Variants in ASXL2 observed in about 807,000 individuals in gnomAD.
The protein encoded by ASXL2 is putative Polycomb group protein ASXL2.
Under a neutral mutation model 122.0 loss-of-function variants are expected in ASXL2, and 23 were observed. That is an observed-to-expected ratio of 0.19 (90% confidence interval 0.14 to 0.27). The LOEUF (loss-of-function observed/expected upper bound fraction) is 0.27. Ranked by LOEUF, ASXL2 falls within the 10% of genes least tolerant of loss-of-function variation. The pLI, the probability that ASXL2 is intolerant of heterozygous loss-of-function variation, is 1.00. For missense variants in ASXL2, 1,518 were observed against 1,713.8 expected, an observed-to-expected ratio of 0.89 and a Z score of 2.02; for synonymous variants, 650 against 637.0, an observed-to-expected ratio of 1.02 and a Z score of -0.31.
intron 1 of ASXL2, among the ~76,000 whole-genome samples, chr2:25,862,267 A>T (rs1477145960): frequency 6.6e-6 from 1 of 152,218 alleles, no homozygotes; most frequent in Non-Finnish European, 1.5e-5. Flanking sequence ...AAAATACCTA[A>T]AACTGATACA....
chr2:25,842,709 T>C (rs1162697972), intron 2 of ASXL2, among the ~76,000 whole-genome samples: 2 of 150,906 alleles, frequency 1.3e-5, no homozygotes, highest in African/African-American at 4.9e-5. Flanking sequence ...TATATATAGA[T>C]AGATAGATAG....
intron 3 of ASXL2, among the ~76,000 whole-genome samples, chr2:25,820,236 G>A (rs777457451): frequency 1.3e-5 from 2 of 152,146 alleles, no homozygotes; most frequent in Non-Finnish European, 2.9e-5. Flanking sequence ...ATTTAAAAGT[G>A]AATGGGGCAT....
chr2:25,877,343 G>T (rs1035743495), intron 1 of ASXL2, among the ~76,000 whole-genome samples: 5 of 152,050 alleles, frequency 3.3e-5, no homozygotes, highest in African/African-American at 9.7e-5. Context: ...TTAAAATATG[G>T]TAAAAGTTCT....
chr2:25,772,783 C>T (rs909531187), intron 5 of ASXL2, among the ~76,000 whole-genome samples: 10 of 147,456 alleles, frequency 6.8e-5, no homozygotes, highest in African/African-American at 1.0e-4. Flanking sequence ...AGCTAGCTAC[C>T]GGACATAAAA....
At chr2:25,822,672 A>G in intron 3 of ASXL2, 1 of 679,368 alleles carries the variant, frequency 1.5e-6, no homozygotes. Context: ...CATAAAAAAA[A>G]CGGACAGATC....
chr2:25,837,846 G>C (rs958152048), intron 2 of ASXL2, among the ~76,000 whole-genome samples: 1 of 151,530 alleles, frequency 6.6e-6, no homozygotes, highest in Non-Finnish European at 1.5e-5. Flanking sequence ...GCCAGGTGCA[G>C]TGGCTCATGC....
Position 25,739,889 on chromosome 2 carries a change from T to G in ASXL2, c.*2140A>C. 1 of 218,054 alleles carries G rather than the reference T, an allele frequency of 4.6e-6. No homozygotes were observed. The highest frequency in any genetic ancestry group is 9.2e-6 in the Non-Finnish European group (1 of 108,490). The allele number at this position is 218,054 out of a possible 1,614,324, so 13.5% of individuals were successfully genotyped here. ...CCTCTTCCAGCATGCAGACCAGCCC[T>G]CGGCCCTGGCACTAAGGTGGAGTTA... On this transcript the variant is annotated 3_prime_UTR_variant, in exon 13 of 13. Transcript: ENST00000435504.
Position 25,863,404 on chromosome 2 carries a change from A to G in ASXL2, c.57+14762T>C, listed in dbSNP as rs149513658. ...ATGAGTTCTCTGGAACTTAAAATAA[A>G]AACAGGGGCCAGGCACAGTGGCTCA... On this transcript the variant is annotated intron_variant, in intron 1 of 12. Transcript: ENST00000435504. Among the ~76,000 whole-genome samples, 1,209 of 151,826 alleles carry G rather than the reference A, an allele frequency of 8.0e-3. 8 individuals are homozygous for G. The highest frequency in any genetic ancestry group is 0.014 in the Non-Finnish European group (959 of 67,944).
intron 4 of ASXL2, among the ~76,000 whole-genome samples, chr2:25,800,057 G>C (rs1169025968): frequency 6.6e-6 from 1 of 151,884 alleles, no homozygotes; most frequent in Non-Finnish European, 1.5e-5. Context: ...CAGCTACTTG[G>C]GAGGCCAAGG....
chr2:25,799,281 G>C, intron 5 of ASXL2, 104 bp downstream of exon 5: 1 of 1,496,664 alleles, frequency 6.7e-7, no homozygotes, highest in South Asian at 1.2e-5. Context: ...TAGAGGGTAA[G>C]GGAAAGTGAC....
intron 4 of ASXL2, among the ~76,000 whole-genome samples, chr2:25,804,567 A>G (rs759713831): frequency 1.3e-4 from 20 of 152,216 alleles, no homozygotes; most frequent in Non-Finnish European, 2.4e-4. Context: ...CGAAGTCAAA[A>G]GGAAGTGGAG....
At chr2:25,844,914 A>G (rs763654108) in intron 2 of ASXL2, among the ~76,000 whole-genome samples, 9 of 152,132 alleles carry the variant, frequency 5.9e-5, no homozygotes, top group African/African-American at 2.2e-4. Context: ...TGCGATCACA[A>G]GCATGAGCCA....
intron 5 of ASXL2, among the ~76,000 whole-genome samples, chr2:25,779,871 T>C (rs982151794): frequency 6.6e-6 from 1 of 151,830 alleles, no homozygotes; most frequent in Non-Finnish European, 1.5e-5. Context: ...GTTTTAATAC[T>C]TTTTTTTTCC....
intron 2 of ASXL2, among the ~76,000 whole-genome samples, chr2:25,838,226 A>G (rs966803008): frequency 3.9e-5 from 6 of 152,244 alleles, no homozygotes; most frequent in African/African-American, 1.4e-4. Flanking sequence ...ATTCCCCAGC[A>G]GAGGGCTTTT....
At chr2:25,771,617 T>C in intron 5 of ASXL2, 77 bp from the exon 6 acceptor site, 2 of 1,182,922 alleles carry the variant, frequency 1.7e-6, no homozygotes, top group Non-Finnish European at 2.4e-6. Context: ...AATCATATGC[T>C]GCTACCTGGA....
chr2:25,825,399 T>C (rs755913524), intron 3 of ASXL2, among the ~76,000 whole-genome samples: 1 of 152,140 alleles, frequency 6.6e-6, no homozygotes, highest in Non-Finnish European at 1.5e-5. Flanking sequence ...TGAGCAACCT[T>C]TTCATCTTAC....
intron 5 of ASXL2, among the ~76,000 whole-genome samples, chr2:25,792,240 G>A (rs1319068857): frequency 6.6e-6 from 1 of 152,156 alleles, no homozygotes; most frequent in Non-Finnish European, 1.5e-5. Flanking sequence ...GGGCTCAAGT[G>A]ATCCTCCCAC....
At chr2:25,827,763 A>C (rs1057341354) in intron 3 of ASXL2, among the ~76,000 whole-genome samples, 2 of 152,194 alleles carry the variant, frequency 1.3e-5, no homozygotes, top group Admixed American at 6.5e-5. Context: ...GCTTGGGGTA[A>C]GTAGATCTAG....
intron 3 of ASXL2, among the ~76,000 whole-genome samples, chr2:25,820,719 G>A (rs1259870808): frequency 1.3e-5 from 2 of 152,166 alleles, no homozygotes; most frequent in African/African-American, 4.8e-5. Flanking sequence ...ATTGAACTGT[G>A]CACTGAAAAC....
Sources: gnomAD v4.1 joint callset for allele counts (sites outside exome capture counted in the v4.1 genomes callset) on GRCh38, gnomAD v4.1.1 for gene constraint, MANE v1.5 for transcripts, NCBI Gene and HGNC (gene_info 2026-07-23, HGNC 2026-07-21) for gene names.